PPP1R8: variants seen among roughly 807,000 people sequenced by gnomAD.
PPP1R8 encodes protein phosphatase 1 regulatory subunit 8, also known as nuclear inhibitor of protein phosphatase 1.
A neutral mutation model predicts 31.3 loss-of-function variants in PPP1R8; 4 were observed. The ratio of observed to expected loss-of-function variants is 0.13; its 90% confidence interval spans 0.06 to 0.29. PPP1R8 has a LOEUF of 0.29. PPP1R8 is among the 10% of genes least tolerant of loss of function. The probability of loss-of-function intolerance (pLI) is 1.00; values close to 1 mark genes in which losing one functional copy is unlikely to be tolerated. For missense variants in PPP1R8, 254 were observed against 440.1 expected, an observed-to-expected ratio of 0.58 and a Z score of 3.78; for synonymous variants, 170 against 169.7, an observed-to-expected ratio of 1.00 and a Z score of -0.01.
intron 5 of PPP1R8, among the ~76,000 whole-genome samples, chr1:27,845,890 C>T (rs895667042): frequency 6.1e-5 from 9 of 148,104 alleles, no homozygotes; most frequent in African/African-American, 2.0e-4. Flanking sequence ...CCCGGGTTCA[C>T]GCCATTCTCC....
At chr1:27,849,906 G>A (rs2089323907) in intron 6 of PPP1R8, among the ~76,000 whole-genome samples, 187 bp from the exon 7 acceptor site, 1 of 152,172 alleles carries the variant, frequency 6.6e-6, no homozygotes, top group African/African-American at 2.4e-5. Flanking sequence ...GACTGGAAAG[G>A]TCTCTTCAAA....
At chr1:27,847,727 C>G (rs2148620336) in intron 6 of PPP1R8, among the ~76,000 whole-genome samples, 1 of 151,556 alleles carries the variant, frequency 6.6e-6, no homozygotes, top group South Asian at 2.1e-4. Flanking sequence ...GAGACTCCAT[C>G]TCAAAAAAAA....
In PPP1R8 at chr1:27,851,431, G is replaced by C. The variant is rs2089343172; in HGVS notation, c.*985G>C. Reference sequence around the variant, plus strand: ...GAAACATTGATACAAGCTTTGTACAGAGATTTGTACATTTGTGTAATAGGC... The same window carrying C: ...GAAACATTGATACAAGCTTTGTACACAGATTTGTACATTTGTGTAATAGGC... On this transcript the variant is annotated 3_prime_UTR_variant, in exon 7 of 7. Transcript: ENST00000311772. The C allele has an allele frequency of 4.9e-6, 2 of 410,658 alleles. No homozygotes were observed. Among genetic ancestry groups the C allele is most frequent in the Non-Finnish European group, 9.9e-6 (2 of 201,700 alleles). The allele number at this position is 410,658 out of a possible 1,614,324, so 25.4% of individuals were successfully genotyped here.
At chr1:27,846,086 G>A (rs905228232) in intron 5 of PPP1R8, among the ~76,000 whole-genome samples, 7 of 152,032 alleles carry the variant, frequency 4.6e-5, no homozygotes, top group Admixed American at 2.0e-4. Context: ...CACCGCACCC[G>A]GCCAGGAGTG....
At chr1:27,840,251 T>C (rs1183443545) in intron 3 of PPP1R8, among the ~76,000 whole-genome samples, 1 of 152,156 alleles carries the variant, frequency 6.6e-6, no homozygotes, top group East Asian at 1.9e-4. Context: ...AGGGTCCTGC[T>C]TCCTGGGCAT....
rs765514573 is a variant in PPP1R8 at position 27,844,884 on chromosome 1, ATTTTTTTTTTTTTT to A, written c.637+1571_637+1584del. Among the ~76,000 whole-genome samples, 32 of 72,372 alleles carry A rather than the reference ATTTTTTTTTTTTTT, an allele frequency of 4.4e-4. 1 individual carries two copies. The highest frequency in any genetic ancestry group is 3.1e-3 in the African/African-American group (31 of 9,866). The allele number at this position is 72,372 out of a possible 152,430, so 47.5% of individuals were successfully genotyped here. On this transcript the variant is annotated intron_variant, in intron 5 of 6. Transcript: ENST00000311772. ...AGGCGCCCGCCACCATGCCCGACTA[ATTTTTTTTTTTTTT>A]TTTTTTTTTTTTTTTTAGTAGAGAC...
At chr1:27,840,697 A>G (rs1043604314) in intron 3 of PPP1R8, among the ~76,000 whole-genome samples, 1 of 152,152 alleles carries the variant, frequency 6.6e-6, no homozygotes, top group Non-Finnish European at 1.5e-5. Flanking sequence ...GGTATTTGTT[A>G]TCTGGGGGAA....
At chr1:27,839,416 T>C (rs373649323) in intron 3 of PPP1R8, among the ~76,000 whole-genome samples, 157 of 152,222 alleles carry the variant, frequency 1.0e-3, no homozygotes, top group African/African-American at 3.7e-3. Flanking sequence ...TAATTCCAGC[T>C]TCTTGGGAGG....
intron 3 of PPP1R8, among the ~76,000 whole-genome samples, chr1:27,839,872 A>AATG (rs902279343): frequency 3.3e-5 from 5 of 152,198 alleles, no homozygotes; most frequent in African/African-American, 1.2e-4. Flanking sequence ...CAGCATGAGC[A>AATG]ATGTAATGAG....
chr1:27,832,371 C>G (rs1445722352), intron 1 of PPP1R8, among the ~76,000 whole-genome samples: 1 of 152,140 alleles, frequency 6.6e-6, no homozygotes, highest in African/African-American at 2.4e-5. Flanking sequence ...CAAACAGCAA[C>G]TAATTTATTC....
At position 27,841,150 on chromosome 1, in the gene PPP1R8, T is replaced by C. The variant is rs2089218758; in HGVS notation, c.408T>C (p.Ala136=). Residue 136 remains alanine, a synonymous_variant, in exon 4 of 7, where the codon GCT becomes GCC. Transcript: ENST00000311772. The part of the protein sequence containing the change: ...LREKPQTLPS[A]VKGDEKMGGE... ...AGAAGCCTCAGACATTGCCATCGGC[T>C]GTGAAAGGAGATGAGAAGATGGGTG... 6.2e-7 allele frequency: 1 copy of C among 1,614,166 alleles called. No homozygotes were observed.
chr1:27,834,295 A>C (rs2089140211), intron 2 of PPP1R8: 1 of 413,628 alleles, frequency 2.4e-6, no homozygotes, highest in Non-Finnish European at 4.8e-6. Context: ...GATGTTGTTA[A>C]GTGTGCTGAG....
intron 4 of PPP1R8, among the ~76,000 whole-genome samples, chr1:27,841,698 A>G (rs1022846620): frequency 6.6e-6 from 1 of 152,234 alleles, no homozygotes; most frequent in African/African-American, 2.4e-5. Context: ...ACTGGCTTAG[A>G]GAGACTGACA....
Position 27,851,636 on chromosome 1 carries a change from C to T in PPP1R8, c.*1190C>T, listed in dbSNP as rs750025528. 2.0e-6 allele frequency: 1 copy of T among 491,378 alleles called. No homozygotes were observed. Among genetic ancestry groups the T allele is most frequent in the South Asian group, 1.5e-5 (1 of 67,150 alleles). The allele number at this position is 491,378 out of a possible 1,614,324, so 30.4% of individuals were successfully genotyped here. A position where few individuals can be genotyped will look rare whatever the true frequency, so the allele number is the denominator to read the frequency against. On this transcript the variant is annotated 3_prime_UTR_variant, in exon 7 of 7. Transcript: ENST00000311772. The stretch of plus-strand genomic sequence containing the variant: ...GGCTTGGGAGGCAATGCTCCATCCC[C>T]ATTATATTACAAATAAAGATGCCCT...
In PPP1R8 at chr1:27,837,195, T is replaced by G. The variant is rs183562390; in HGVS notation, c.118-1504T>G. ...CCCTGTAATCCCAGCACTTTGGGAG[T>G]CTGAGGCGGGTGGATCATGAGGTCA... On this transcript the variant is annotated intron_variant, in intron 2 of 6. Transcript: ENST00000311772. Among the ~76,000 whole-genome samples, 203 of 149,952 alleles carry G rather than the reference T, an allele frequency of 1.4e-3. No homozygotes were observed. In the Middle Eastern group the frequency reaches 0.014, roughly 10 times the overall value.
At chr1:27,843,648 A>G (rs1238898188) in intron 5 of PPP1R8, among the ~76,000 whole-genome samples, 2 of 151,868 alleles carry the variant, frequency 1.3e-5, no homozygotes, top group Non-Finnish European at 1.5e-5. Context: ...TGACAAAAAA[A>G]AAAGAAAGAA....
chr1:27,846,201 G>T (rs1475214288), intron 5 of PPP1R8, among the ~76,000 whole-genome samples: 1 of 152,220 alleles, frequency 6.6e-6, no homozygotes, highest in African/African-American at 2.4e-5. Flanking sequence ...GCTTGGAGTA[G>T]TTTTCTCTAG....
At chr1:27,843,494 TA>T (rs1404555455) in intron 5 of PPP1R8, among the ~76,000 whole-genome samples, 164 bp downstream of exon 5, 3 of 151,474 alleles carry the variant, frequency 2.0e-5, no homozygotes, top group Non-Finnish European at 4.4e-5. Flanking sequence ...CCATCTCTAT[TA>T]AAAAAAATAC....
intron 2 of PPP1R8, among the ~76,000 whole-genome samples, chr1:27,838,187 G>A (rs2089189456): frequency 6.6e-6 from 1 of 150,546 alleles, no homozygotes; most frequent in Non-Finnish European, 1.5e-5. Flanking sequence ...CTCCAACCTG[G>A]GTGACAGGGT....
Sources: gnomAD v4.1 joint callset for allele counts (sites outside exome capture counted in the v4.1 genomes callset) on GRCh38, gnomAD v4.1.1 for gene constraint, MANE v1.5 for transcripts, NCBI Gene and HGNC (gene_info 2026-07-23, HGNC 2026-07-21) for gene names.